The following JPH3 variants were observed in gnomAD, a reference collection of about 807,000 sequenced individuals.
The protein encoded by JPH3 is junctophilin-3.
JPH3 carries 11 observed loss-of-function variants against 59.6 expected under a neutral mutation model. The observed-to-expected ratio is 0.18, with a 90% CI of 0.12 to 0.31. The LOEUF (loss-of-function observed/expected upper bound fraction) is 0.31, where lower values mean the gene tolerates loss of function less well. Ranked by LOEUF, JPH3 falls within the 10% of genes least tolerant of loss-of-function variation. The probability of loss-of-function intolerance (pLI) is 1.00; values close to 1 mark genes in which losing one functional copy is unlikely to be tolerated. For synonymous variants in JPH3, 673 were observed against 483.6 expected (o/e 1.39, Z -5.14); for missense variants, 1,202 against 1,105.7 (o/e 1.09, Z -1.24).
At chr16:87,606,779 A>G (rs181215811) in intron 1 of JPH3, among the ~76,000 whole-genome samples, 1 of 152,332 alleles carries the variant, frequency 6.6e-6, no homozygotes, top group Admixed American at 6.5e-5. Flanking sequence ...AATGATCATT[A>G]TTAGAACCAA....
intron 1 of JPH3, among the ~76,000 whole-genome samples, chr16:87,616,229 TGTGTGTG>T (rs1468303718): frequency 1.3e-4 from 19 of 145,910 alleles, no homozygotes; most frequent in South Asian, 2.1e-4. Flanking sequence ...TGTGTGTGTG[TGTGTGTG>T]TATTTTTTTT....
chr16:87,611,946 G>A lies in JPH3; in HGVS notation c.382+8418G>A, dbSNP rs888897397. Among the ~76,000 whole-genome samples the A allele has an allele frequency of 6.6e-6, 1 of 152,184 alleles. No homozygotes were observed. The highest frequency in any genetic ancestry group is 1.5e-5 in the Non-Finnish European group (1 of 68,010). ...CCTGCCTGACCTCCAGGGTCAGGAT[G>A]TGTGTTTGGAGATGCTCAGGTGGCT... On this transcript the variant is annotated intron_variant, in intron 1 of 4. Coordinates refer to ENST00000284262, the MANE Select transcript of JPH3 (RefSeq NM_020655.4). The surrounding 1 kb of genome is among the most constrained non-coding windows in gnomAD (Gnocchi z 4.5).
chr16:87,657,958 C>T (rs552233107), intron 2 of JPH3, among the ~76,000 whole-genome samples: 433 of 152,314 alleles, frequency 2.8e-3, no homozygotes, highest in Non-Finnish European at 2.8e-3. Context: ...CTCTACCAAC[C>T]TGGCCTCACA....
chr16:87,616,143 G>T (rs555123096), intron 1 of JPH3, among the ~76,000 whole-genome samples: 18 of 151,876 alleles, frequency 1.2e-4, no homozygotes, highest in African/African-American at 4.3e-4. Flanking sequence ...TCCAGGGCCC[G>T]GGAACGACAT....
intron 1 of JPH3, among the ~76,000 whole-genome samples, chr16:87,633,170 G>GTT (rs2031618915): frequency 6.6e-6 from 1 of 152,188 alleles, no homozygotes; most frequent in Non-Finnish European, 1.5e-5. Context: ...TCTAAGGCTG[G>GTT]AAGGTCAGGG....
chr16:87,695,990 A>T (rs1483809834), intron 4 of JPH3: 1 of 455,760 alleles, frequency 2.2e-6, no homozygotes, highest in African/African-American at 2.0e-5. Context: ...ACCTAAATCC[A>T]AGGCAGCTCG....
chr16:87,632,715 A>G (rs1325765119), intron 1 of JPH3, among the ~76,000 whole-genome samples: 1 of 152,210 alleles, frequency 6.6e-6, no homozygotes, highest in Non-Finnish European at 1.5e-5. Flanking sequence ...CAACATGGTG[A>G]AACTTTGTCT....
At chr16:87,646,784 C>G (rs559840033) in intron 2 of JPH3, among the ~76,000 whole-genome samples, 53 of 152,252 alleles carry the variant, frequency 3.5e-4, no homozygotes, top group African/African-American at 1.2e-3. Flanking sequence ...CAGATTGGTT[C>G]ATGAGTTCAT....
chr16:87,633,032 C>A (rs2031614330), intron 1 of JPH3, among the ~76,000 whole-genome samples: 1 of 152,164 alleles, frequency 6.6e-6, no homozygotes, highest in African/African-American at 2.4e-5. Flanking sequence ...CACGCTTCTC[C>A]TGTCCTTTTA....
intron 3 of JPH3, among the ~76,000 whole-genome samples, chr16:87,688,259 A>C (rs2033465738): frequency 6.6e-6 from 1 of 152,046 alleles, no homozygotes; most frequent in Admixed American, 6.5e-5. Flanking sequence ...AGAGCTACCC[A>C]GCTGTGCCCC....
chr16:87,620,545 G>T (rs528450760), intron 1 of JPH3, among the ~76,000 whole-genome samples: 1 of 148,338 alleles, frequency 6.7e-6, no homozygotes, highest in South Asian at 2.2e-4. Flanking sequence ...GAGAGGGAGG[G>T]GAAGGGCTGC....
At chr16:87,604,126 C>G in intron 1 of JPH3, 2 of 1,341,754 alleles carry the variant, frequency 1.5e-6, no homozygotes, top group Non-Finnish European at 1.9e-6. Flanking sequence ...AAGCAGGCTG[C>G]TGGAGGGAGG....
chr16:87,631,352 G>A (rs1364031175), intron 1 of JPH3, among the ~76,000 whole-genome samples: 1 of 152,138 alleles, frequency 6.6e-6, no homozygotes, highest in Middle Eastern at 3.2e-3. Flanking sequence ...TTGATAAATT[G>A]GTATGCATAG....
Position 87,613,456 on chromosome 16 carries a change from G to T in JPH3, c.382+9928G>T, listed in dbSNP as rs574618832. On this transcript the variant is annotated intron_variant, in intron 1 of 4. Coordinates refer to ENST00000284262, the MANE Select transcript of JPH3 (RefSeq NM_020655.4). ...CTGCCTCTGCCTCCCGAGTAGCTGG[G>T]ATTACAGGTGCCCACGACCATGCCT... is the stretch of plus-strand genomic sequence containing the variant. 2.7e-3 allele frequency among the ~76,000 whole-genome samples: 411 copies of T among 152,120 alleles called. 1 individual carries two copies. Among genetic ancestry groups the T allele is most frequent in the Non-Finnish European group, 4.1e-3 (280 of 67,992 alleles).
In JPH3 at chr16:87,628,675, C is replaced by T. The variant is rs543302447; in HGVS notation, c.383-15583C>T. Among the ~76,000 whole-genome samples, 12 of 152,316 alleles carry T rather than the reference C, an allele frequency of 7.9e-5. No individual in the cohort carries two copies. The South Asian group carries it at 2.5e-3, about 32-fold the overall frequency. On this transcript the variant is annotated intron_variant, in intron 1 of 4. Coordinates refer to ENST00000284262, the MANE Select transcript of JPH3 (RefSeq NM_020655.4). The stretch of plus-strand genomic sequence containing the variant: ...ACATGCTAATGTCTCCCTCGCGGGG[C>T]TGTGCGAGAATCGATTCAGTGGCCC...
intron 2 of JPH3, among the ~76,000 whole-genome samples, chr16:87,666,852 C>T (rs74039445): frequency 0.025 from 3,806 of 152,322 alleles, 182 homozygotes; most frequent in African/African-American, 0.087. Flanking sequence ...CCACAGAGGC[C>T]TAGCAGCCTG....
rs74914562 is a variant in JPH3, at chr16:87,688,961, A to G, written c.1286-685A>G. ...TAGTCCTACAATGCTGCCCCTCCCT[A>G]TCCAGGCCTCCGGGTGGGGGCTGAT... is the stretch of plus-strand genomic sequence containing the variant. On this transcript the variant is annotated intron_variant, in intron 3 of 4. Transcript: ENST00000284262. Among the ~76,000 whole-genome samples, 1,094 of 152,048 alleles carry G rather than the reference A, an allele frequency of 7.2e-3. 15 individuals are homozygous for G. The highest frequency in any genetic ancestry group is 0.025 in the African/African-American group (1,030 of 41,458).
At chr16:87,672,197 G>A (rs865802216) in intron 2 of JPH3, among the ~76,000 whole-genome samples, 3 of 152,118 alleles carry the variant, frequency 2.0e-5, no homozygotes, top group African/African-American at 4.8e-5. Flanking sequence ...GAGGGGAGGC[G>A]GCAGCAAGGA....
intron 2 of JPH3, among the ~76,000 whole-genome samples, chr16:87,658,751 C>G (rs2032595929): frequency 6.6e-6 from 1 of 152,204 alleles, no homozygotes; most frequent in Non-Finnish European, 1.5e-5. Flanking sequence ...TTTCCTAAGC[C>G]CCTCTCTCCT....
Sources: allele counts gnomAD v4.1 joint callset (sites outside exome capture counted in the v4.1 genomes callset), GRCh38; gene constraint gnomAD v4.1.1; non-coding constraint Gnocchi (gnomAD v3.1); transcripts MANE v1.5; gene names NCBI Gene and HGNC (gene_info 2026-07-23, HGNC 2026-07-21).